The following SYT5 variants were observed in gnomAD, a reference collection of about 807,000 sequenced individuals.
The protein encoded by SYT5 is synaptotagmin 5.
In SYT5, 29 loss-of-function variants were observed where a neutral mutation model predicts 36.0. The ratio of observed to expected loss-of-function variants is 0.81; its 90% confidence interval spans 0.60 to 1.10. SYT5 has a LOEUF of 1.10. SYT5 is among the 50% of genes least tolerant of loss of function. SYT5 has a pLI of 0.00. For missense variants in SYT5, 512 were observed against 516.0 expected, an observed-to-expected ratio of 0.99 and a Z score of 0.08; for synonymous variants, 231 against 227.6, an observed-to-expected ratio of 1.02 and a Z score of -0.14.
Position 55,179,257 on chromosome 19 carries a change from C to T in SYT5, c.-45-171G>A. 1 of 1,457,336 alleles carries T rather than the reference C, an allele frequency of 6.9e-7. No homozygotes were observed. Among genetic ancestry groups the T allele is most frequent in the South Asian group, 1.4e-5 (1 of 71,410 alleles). 90.3% of individuals were successfully genotyped at this position (1,457,336 alleles called of 1,614,324 possible). On this transcript the variant is annotated intron_variant, in intron 1 of 8. Transcript: ENST00000354308. The surrounding 1 kb of genome is among the most constrained non-coding windows in gnomAD (Gnocchi z 4.5). ...CGCACTTGAGAGGGGGTGTCCAGGA[C>T]CTAGTTCCATCCTAAAGGGATACCC...
chr19:55,175,439 C>T lies in SYT5; in HGVS notation c.541-100G>A. The T allele has an allele frequency of 7.6e-7, 1 of 1,315,902 alleles. No individual in the cohort carries two copies. The highest frequency in any genetic ancestry group is 1.0e-6 in the Non-Finnish European group (1 of 984,306). 81.5% of individuals were successfully genotyped at this position (1,315,902 alleles called of 1,614,324 possible). A position where few individuals can be genotyped will look rare whatever the true frequency, so the allele number is the denominator to read the frequency against. On this transcript the variant is annotated intron_variant, in intron 5 of 8. Transcript: ENST00000354308. The surrounding 1 kb of genome is among the most constrained non-coding windows in gnomAD (Gnocchi z 4.5). ...AGGCATGGAGTGAGGCAGCGAGGGT[C>T]GAAGCGAACAGTTGGGGGAACTCAA...
At position 55,174,855 on chromosome 19, in the gene SYT5, C is replaced by G. The variant is rs186606827; in HGVS notation, c.826+27G>C. On this transcript the variant is annotated intron_variant, in intron 7 of 8. Transcript: ENST00000354308. ...GAACCCACCCCACGCCATCCCCACACACCCCACTCCCTTGCTTCCCACACA... is the reference window on the plus strand; with the variant it reads ...GAACCCACCCCACGCCATCCCCACAGACCCCACTCCCTTGCTTCCCACACA... 23 of 1,608,436 alleles carry G rather than the reference C, an allele frequency of 1.4e-5. No homozygotes were observed. In the Admixed American group the frequency reaches 2.8e-4, roughly 20 times the overall value.
rs976635495 is a variant in SYT5, at chr19:55,179,325, C to T, written c.-45-239G>A. On this transcript the variant is annotated intron_variant, in intron 1 of 8. Transcript: ENST00000354308. This position sits in a 1 kb window ranked among gnomAD's most constrained non-coding sequence, Gnocchi z 4.5. ...ACAGGCATCCCGCTGACTTCTGCCT[C>T]GTCCTCGCCCCTCCGCAGGGTCTGA... 6.8e-5 allele frequency: 82 copies of T among 1,199,602 alleles called. No homozygotes were observed. The highest frequency in any genetic ancestry group is 6.5e-4 in the African/African-American group (41 of 62,754). The allele number at this position is 1,199,602 out of a possible 1,614,324, so 74.3% of individuals were successfully genotyped here.
rs2086013898 is a variant in SYT5 at position 55,172,355 on chromosome 19, A to G, written c.*1129T>C. 1 of 151,914 alleles carries G rather than the reference A, an allele frequency of 6.6e-6. No homozygotes were observed. Among genetic ancestry groups the G allele is most frequent in the South Asian group, 2.1e-4 (1 of 4,830 alleles). The allele number at this position is 151,914 out of a possible 1,614,324, so 9.4% of individuals were successfully genotyped here. ...AGAATGGCGTGAACCCGGGAGGAGGAGCTTGCAGTGAGCCGAAATCGTGCC... is the reference window on the plus strand; with the variant it reads ...AGAATGGCGTGAACCCGGGAGGAGGGGCTTGCAGTGAGCCGAAATCGTGCC... On this transcript the variant is annotated 3_prime_UTR_variant, in exon 9 of 9. Transcript: ENST00000354308.
intron 8 of SYT5, chr19:55,174,100 TTAGGG>T: frequency 9.8e-6 from 2 of 203,248 alleles, no homozygotes; most frequent in South Asian, 1.4e-4. Context: ...CTGGTCCTGC[TTAGGG>T]TGGGGAATCT....
At position 55,173,571 on chromosome 19, in the gene SYT5, C is replaced by T; in HGVS notation, c.1074G>A (p.Ala358=). The part of the protein sequence containing the change: ...AAGGAGLRHW[A]DMLANPRRPI... ...GCCGCCGCGGGTTGGCCAGCATGTC[C>T]GCCCAGTGCCGCAGGCCAGCCCCGC... The change falls in exon 9 of 9, where the codon GCG becomes GCA. Residue 358 remains alanine, a synonymous_variant. Coordinates refer to ENST00000354308, the MANE Select transcript of SYT5 (RefSeq NM_003180.3). The surrounding 1 kb of genome is among the most constrained non-coding windows in gnomAD (Gnocchi z 5.4). The T allele has an allele frequency of 6.8e-7, 1 of 1,464,454 alleles. No individual in the cohort carries two copies. The highest frequency in any genetic ancestry group is 1.4e-5 in the South Asian group (1 of 73,162). The allele number at this position is 1,464,454 out of a possible 1,614,324, so 90.7% of individuals were successfully genotyped here.
rs968090174 is a variant in SYT5 at position 55,172,519 on chromosome 19, GAAAAGAA to G, written c.*958_*964del. 6.6e-6 allele frequency: 1 copy of G among 151,918 alleles called. No homozygotes were observed. The highest frequency in any genetic ancestry group is 2.4e-5 in the African/African-American group (1 of 41,334). 9.4% of individuals were successfully genotyped at this position (151,918 alleles called of 1,614,324 possible). A position where few individuals can be genotyped will look rare whatever the true frequency, so the allele number is the denominator to read the frequency against. On this transcript the variant is annotated 3_prime_UTR_variant, in exon 9 of 9. Transcript: ENST00000354308. Reference sequence around the variant, plus strand: ...CAGAAAGAAAACAAAAAGGAAAAAAGAAAAGAAAAAAGAAAGAGGTGAAGTTGAAATC... The same window carrying G: ...CAGAAAGAAAACAAAAAGGAAAAAAGAAAAGAAAGAGGTGAAGTTGAAATC...
At chr19:55,174,315 A>T (rs2086045288) in intron 8 of SYT5, among the ~76,000 whole-genome samples, 1 of 70,710 alleles carries the variant, frequency 1.4e-5, no homozygotes, top group African/African-American at 1.1e-4. Flanking sequence ...CTTAGAGCAG[A>T]TAGGACACCC....
Position 55,173,317 on chromosome 19 carries a change from C to A in SYT5, c.*167G>T. The A allele has an allele frequency of 2.0e-6, 1 of 502,290 alleles. No individual in the cohort carries two copies. The highest frequency in any genetic ancestry group is 5.6e-4 in the Middle Eastern group (1 of 1,792). 31.1% of individuals were successfully genotyped at this position (502,290 alleles called of 1,614,324 possible). The stretch of plus-strand genomic sequence containing the variant: ...GCTGGAAAGTTGTCGTGATTGGCAT[C>A]GTTGGGGGTGAGAAGACAGGAATGG... On this transcript the variant is annotated 3_prime_UTR_variant, in exon 9 of 9. Transcript: ENST00000354308. This position sits in a 1 kb window ranked among gnomAD's most constrained non-coding sequence, Gnocchi z 5.4.
intron 3 of SYT5, chr19:55,177,350 A>C (rs999437253): frequency 2.6e-5 from 4 of 152,152 alleles, no homozygotes; most frequent in Non-Finnish European, 4.4e-5. Context: ...ATGGGGCCTC[A>C]ACACATGCTC....
chr19:55,173,532 C>G lies in SYT5; in HGVS notation c.1113G>C (p.Trp371Cys). Residue 371 changes from tryptophan to cysteine, a missense_variant, in exon 9 of 9, where the codon TGG becomes TGC. Transcript: ENST00000354308. The surrounding 1 kb of genome is among the most constrained non-coding windows in gnomAD (Gnocchi z 5.4). ...LANPRRPIAQWHSLRPPDRVR... is the reference protein window; with the variant it reads ...LANPRRPIAQCHSLRPPDRVR... ...CTCGGTCCGGGGGCCGCAGCGAGTG[C>G]CACTGGGCAATGGGCCGCCGCGGGT... The G allele has an allele frequency of 7.0e-7, 1 of 1,420,134 alleles. No homozygotes were observed. The highest frequency in any genetic ancestry group is 1.5e-5 in the South Asian group (1 of 65,440). 88.0% of individuals were successfully genotyped at this position (1,420,134 alleles called of 1,614,324 possible).
At position 55,175,453 on chromosome 19, in the gene SYT5, G is replaced by C; in HGVS notation, c.541-114C>G. The stretch of plus-strand genomic sequence containing the variant: ...GCAGCGAGGGTCGAAGCGAACAGTT[G>C]GGGGAACTCAAATGGGAAAGTCCAG... On this transcript the variant is annotated intron_variant, in intron 5 of 8. Coordinates refer to ENST00000354308, the MANE Select transcript of SYT5 (RefSeq NM_003180.3). This position sits in a 1 kb window ranked among gnomAD's most constrained non-coding sequence, Gnocchi z 4.5. The C allele has an allele frequency of 8.1e-7, 1 of 1,241,250 alleles. No individual in the cohort carries two copies. Among genetic ancestry groups the C allele is most frequent in the Non-Finnish European group, 1.1e-6 (1 of 918,020 alleles). The allele number at this position is 1,241,250 out of a possible 1,614,324, so 76.9% of individuals were successfully genotyped here. A position where few individuals can be genotyped will look rare whatever the true frequency, so the allele number is the denominator to read the frequency against.
In SYT5 at chr19:55,173,591, C is replaced by G; in HGVS notation, c.1054G>C (p.Ala352Pro). 1 of 1,481,536 alleles carries G rather than the reference C, an allele frequency of 6.7e-7. No homozygotes were observed. Among genetic ancestry groups the G allele is most frequent in the Non-Finnish European group, 9.0e-7 (1 of 1,116,856 alleles). 91.8% of individuals were successfully genotyped at this position (1,481,536 alleles called of 1,614,324 possible). Residue 352 changes from alanine to proline, a missense_variant, in exon 9 of 9, where the codon GCT becomes CCT. Transcript: ENST00000354308. This position sits in a 1 kb window ranked among gnomAD's most constrained non-coding sequence, Gnocchi z 5.4. ...ATGTCCGCCCAGTGCCGCAGGCCAG[C>G]CCCGCCGGCGGCCGCCCCCACGGCC... ...RVAVGAAAGG[A>P]GLRHWADMLA...
intron 2 of SYT5, among the ~76,000 whole-genome samples, chr19:55,178,755 T>A (rs2086107453): frequency 2.5e-4 from 6 of 24,152 alleles, no homozygotes; most frequent in Admixed American, 2.3e-3. Flanking sequence ...CGGTTTCGAT[T>A]TTTTTTTTTT....
chr19:55,174,735 C>A, intron 7 of SYT5, 85 bp from the exon 8 acceptor site: 3 of 1,589,178 alleles, frequency 1.9e-6, no homozygotes, highest in Non-Finnish European at 2.6e-6. Flanking sequence ...CCCTTCGGGT[C>A]TCCCTAGCTC....
rs367930979 is a variant in SYT5, at chr19:55,175,659, A to G, written c.540+50T>C. The stretch of plus-strand genomic sequence containing the variant: ...GGAAGGGGTCGGTCCCTAGTGTTCC[A>G]GGGACTGGGCACAGGCTATGGAACA... On this transcript the variant is annotated intron_variant, in intron 5 of 8. Coordinates refer to ENST00000354308, the MANE Select transcript of SYT5 (RefSeq NM_003180.3). This position sits in a 1 kb window ranked among gnomAD's most constrained non-coding sequence, Gnocchi z 4.5. The G allele has an allele frequency of 1.8e-5, 29 of 1,597,136 alleles. No individual in the cohort carries two copies. In the African/African-American group the frequency reaches 3.6e-4, roughly 20 times the overall value.
In SYT5 at chr19:55,175,041, T is replaced by C. The variant is rs757722780; in HGVS notation, c.709-42A>G. 1.0e-5 allele frequency: 16 copies of C among 1,606,530 alleles called. No individual in the cohort carries two copies. On this transcript the variant is annotated intron_variant, in intron 6 of 8. Coordinates refer to ENST00000354308, the MANE Select transcript of SYT5 (RefSeq NM_003180.3). This position sits in a 1 kb window ranked among gnomAD's most constrained non-coding sequence, Gnocchi z 4.5. ...CCATCACCAGAGCCCCGGCTCCACA[T>C]CCATGCCTCCTCAGGGGTACAATCC...
rs75002223 is a variant in SYT5 at position 55,172,801 on chromosome 19, C to G, written c.*683G>C. 6 of 152,182 alleles carry G rather than the reference C, an allele frequency of 3.9e-5. No individual in the cohort carries two copies. The highest frequency in any genetic ancestry group is 2.0e-4 in the Admixed American group (3 of 15,274). The allele number at this position is 152,182 out of a possible 1,614,324, so 9.4% of individuals were successfully genotyped here. A position where few individuals can be genotyped will look rare whatever the true frequency, so the allele number is the denominator to read the frequency against. ...TCGATGTGAGTCATGGGTGAGCAAG[C>G]GAGTGGATAAATTCATGGACAAGCA... On this transcript the variant is annotated 3_prime_UTR_variant, in exon 9 of 9. Transcript: ENST00000354308.
rs1378675864 is a variant in SYT5 at position 55,175,253 on chromosome 19, C to T, written c.627G>A (p.Glu209=). The T allele has an allele frequency of 6.2e-7, 1 of 1,608,332 alleles. No homozygotes were observed. Among genetic ancestry groups the T allele is most frequent in the Non-Finnish European group, 8.5e-7 (1 of 1,178,232 alleles). ...CCACGGAGCTCATAGGGACCCGCAC[C>T]TCCCCGATGGCGTCATTGCGAGAGA... is the stretch of plus-strand genomic sequence containing the variant. The part of the protein sequence containing the change: ...DRFSRNDAIG[E]VRVPMSSVDL... The change falls in exon 6 of 9, where the codon GAG becomes GAA. Residue 209 remains glutamate (E), a synonymous_variant. Transcript: ENST00000354308. The surrounding 1 kb of genome is among the most constrained non-coding windows in gnomAD (Gnocchi z 4.5).
Sources: gnomAD v4.1 joint callset for allele counts (sites outside exome capture counted in the v4.1 genomes callset) on GRCh38, gnomAD v4.1.1 for gene constraint, Gnocchi (gnomAD v3.1) non-coding constraint, MANE v1.5 for transcripts, NCBI Gene and HGNC (gene_info 2026-07-23, HGNC 2026-07-21) for gene names.